TM9SF4: variants seen among roughly 807,000 people sequenced by gnomAD.
The protein encoded by TM9SF4 is dinucleotide oxidase disulfide thiol exchanger 3 superfamily member 4.
TM9SF4 carries 26 observed loss-of-function variants against 90.4 expected under a neutral mutation model. That is an observed-to-expected ratio of 0.29 (90% CI 0.21 to 0.40). The LOEUF (loss-of-function observed/expected upper bound fraction) is 0.40. Ranked by LOEUF, TM9SF4 falls within the 10% of genes least tolerant of loss-of-function variation. The pLI, the probability that TM9SF4 is intolerant of heterozygous loss-of-function variation, is 1.00. For missense variants in TM9SF4, 549 were observed against 834.8 expected, an observed-to-expected ratio of 0.66 and a Z score of 4.22; for synonymous variants, 293 against 315.4, an observed-to-expected ratio of 0.93 and a Z score of 0.75.
chr20:32,119,322 A>G (rs1257390644), intron 1 of TM9SF4, among the ~76,000 whole-genome samples: 2 of 151,852 alleles, frequency 1.3e-5, no homozygotes, highest in South Asian at 2.1e-4. Context: ...AGGGCTGGGC[A>G]CCGTGGCTCA....
intron 1 of TM9SF4, among the ~76,000 whole-genome samples, chr20:32,130,998 A>G (rs2046501787): frequency 6.6e-6 from 1 of 152,154 alleles, no homozygotes; most frequent in South Asian, 2.1e-4. Context: ...AATTTACTTA[A>G]AAATAAAAAG....
At chr20:32,119,720 G>A (rs1022350590) in intron 1 of TM9SF4, among the ~76,000 whole-genome samples, 5 of 151,794 alleles carry the variant, frequency 3.3e-5, no homozygotes, top group Admixed American at 2.6e-4. Context: ...TCTGGTTTTG[G>A]TGTTGTATCT....
chr20:32,155,240 C>A, intron 13 of TM9SF4, 54 bp downstream of exon 13: 1 of 1,446,062 alleles, frequency 6.9e-7, no homozygotes, highest in Non-Finnish European at 9.7e-7. Context: ...GGACCAGTTG[C>A]ACTCAGCCCT....
intron 17 of TM9SF4, among the ~76,000 whole-genome samples, chr20:32,164,180 T>A (rs1249617790): frequency 6.6e-6 from 1 of 152,058 alleles, no homozygotes; most frequent in African/African-American, 2.4e-5. Context: ...TTCTGCTCCT[T>A]GTCCCTCCCC....
chr20:32,165,533 C>G lies in TM9SF4; in HGVS notation c.*89C>G, dbSNP rs972590178. On this transcript the variant is annotated 3_prime_UTR_variant, in exon 18 of 18. Coordinates refer to ENST00000398022, the MANE Select transcript of TM9SF4 (RefSeq NM_014742.4). ...TGCAGGCACGCAAAATAAAATAACT[C>G]CTGCTCGTTTGGAATGTAACTCCTG... The G allele has an allele frequency of 1.1e-5, 17 of 1,488,652 alleles. No individual in the cohort carries two copies. Among genetic ancestry groups the G allele is most frequent in the Non-Finnish European group, 1.5e-5 (16 of 1,082,766 alleles). 92.2% of individuals were successfully genotyped at this position (1,488,652 alleles called of 1,614,324 possible).
At chr20:32,138,170 A>G (rs1318307688) in intron 3 of TM9SF4, among the ~76,000 whole-genome samples, 5 of 152,206 alleles carry the variant, frequency 3.3e-5, no homozygotes, top group Non-Finnish European at 5.9e-5. Flanking sequence ...TTCTCCAGAA[A>G]GGCCCATAGG....
intron 1 of TM9SF4, among the ~76,000 whole-genome samples, chr20:32,115,244 G>A (rs1237929476): frequency 6.6e-6 from 1 of 152,176 alleles, no homozygotes; most frequent in Non-Finnish European, 1.5e-5. Context: ...AGGAGGTTGG[G>A]ATCACATTAA....
At chr20:32,135,467 A>G (rs965018566) in intron 2 of TM9SF4, among the ~76,000 whole-genome samples, 4 of 152,210 alleles carry the variant, frequency 2.6e-5, no homozygotes, top group Non-Finnish European at 4.4e-5. Context: ...ATTTTTTAAA[A>G]AACAGGGAAA....
Position 32,123,869 on chromosome 20 carries a change from T to A in TM9SF4, c.16-9144T>A, listed in dbSNP as rs964339139. On this transcript the variant is annotated intron_variant, in intron 1 of 17. Coordinates refer to ENST00000398022, the MANE Select transcript of TM9SF4 (RefSeq NM_014742.4). ...TCATATATATATATATATATATATTTTTTTTTTTAAAGAGATAGGGTCTCC... is the reference window on the plus strand; with the variant it reads ...TCATATATATATATATATATATATTATTTTTTTTAAAGAGATAGGGTCTCC... Among the ~76,000 whole-genome samples the A allele has an allele frequency of 1.7e-3, 194 of 112,732 alleles. 6 individuals are homozygous for A. The highest frequency in any genetic ancestry group is 4.9e-3 in the African/African-American group (154 of 31,344). The allele number at this position is 112,732 out of a possible 152,430, so 74.0% of individuals were successfully genotyped here.
intron 1 of TM9SF4, among the ~76,000 whole-genome samples, chr20:32,122,078 G>T (rs1341962715): frequency 7.3e-6 from 1 of 136,296 alleles, no homozygotes. Flanking sequence ...AGGCAGAGGG[G>T]CTCCTCACTT....
At position 32,165,537 on chromosome 20, in the gene TM9SF4, CT is replaced by C. The variant is rs2047088039; in HGVS notation, c.*94del. 4.8e-6 allele frequency: 7 copies of C among 1,463,064 alleles called. No homozygotes were observed. The highest frequency in any genetic ancestry group is 6.6e-6 in the Non-Finnish European group (7 of 1,062,646). 90.6% of individuals were successfully genotyped at this position (1,463,064 alleles called of 1,614,324 possible). On this transcript the variant is annotated 3_prime_UTR_variant, in exon 18 of 18. Coordinates refer to ENST00000398022, the MANE Select transcript of TM9SF4 (RefSeq NM_014742.4). ...GGCACGCAAAATAAAATAACTCCTG[CT>C]CGTTTGGAATGTAACTCCTGGCACA...
chr20:32,125,014 T>C (rs958372503), intron 1 of TM9SF4, among the ~76,000 whole-genome samples: 1 of 152,200 alleles, frequency 6.6e-6, no homozygotes, highest in Admixed American at 6.5e-5. Context: ...ATTATGAACT[T>C]CTTGAGCTTC....
chr20:32,122,792 C>T (rs6121350), intron 1 of TM9SF4, among the ~76,000 whole-genome samples: 15,056 of 152,082 alleles, frequency 0.099, 1,547 homozygotes, highest in African/African-American at 0.26. Context: ...GCTGCAATCT[C>T]GGCACTTTGG....
At chr20:32,117,316 G>A (rs1488938089) in intron 1 of TM9SF4, among the ~76,000 whole-genome samples, 1 of 151,826 alleles carries the variant, frequency 6.6e-6, no homozygotes, top group Non-Finnish European at 1.5e-5. Context: ...TTTGCAGTAG[G>A]AAAGGCATGG....
chr20:32,157,700 C>A, intron 13 of TM9SF4, 94 bp from the exon 14 acceptor site: 1 of 1,500,372 alleles, frequency 6.7e-7, no homozygotes, highest in South Asian at 1.3e-5. Context: ...AGTCGCCTCT[C>A]CTTCTGTGGA....
In TM9SF4 at chr20:32,109,775, G is replaced by A; in HGVS notation, c.15+20G>A. The A allele has an allele frequency of 6.4e-7, 1 of 1,551,410 alleles. No individual in the cohort carries two copies. Among genetic ancestry groups the A allele is most frequent in the Non-Finnish European group, 8.7e-7 (1 of 1,146,796 alleles). On this transcript the variant is annotated intron_variant, in intron 1 of 17. Transcript: ENST00000398022. ...GCGATGGTGAGTGAAGGAGACTCCGGGAGCGGGAGCTGGAGCGGGGCCCTC... is the reference window on the plus strand; with the variant it reads ...GCGATGGTGAGTGAAGGAGACTCCGAGAGCGGGAGCTGGAGCGGGGCCCTC...
At chr20:32,122,307 C>A (rs558711706) in intron 1 of TM9SF4, among the ~76,000 whole-genome samples, 64 of 127,200 alleles carry the variant, frequency 5.0e-4, no homozygotes, top group East Asian at 1.1e-3. Flanking sequence ...GGGGGGCTGA[C>A]CCCCCCCACC....
chr20:32,145,057 C>G, intron 6 of TM9SF4, 34 bp from the exon 7 acceptor site: 2 of 1,607,584 alleles, frequency 1.2e-6, no homozygotes, highest in Middle Eastern at 3.3e-4. Flanking sequence ...GCACTGGCCA[C>G]CACAGGAACA....
At chr20:32,164,927 A>G (rs1011233428) in intron 17 of TM9SF4, among the ~76,000 whole-genome samples, 2 of 152,090 alleles carry the variant, frequency 1.3e-5, no homozygotes, top group Non-Finnish European at 2.9e-5. Flanking sequence ...CTGGTCCTGA[A>G]GCTGGGCATC....
Sources: gnomAD v4.1 joint callset for allele counts (sites outside exome capture counted in the v4.1 genomes callset) on GRCh38, gnomAD v4.1.1 for gene constraint, MANE v1.5 for transcripts, NCBI Gene and HGNC (gene_info 2026-07-23, HGNC 2026-07-21) for gene names.